FGD4: variants seen among roughly 807,000 people sequenced by gnomAD.
FGD4 encodes the protein FYVE, RhoGEF and PH domain-containing protein 4.
A neutral mutation model predicts 102.0 loss-of-function variants in FGD4; 42 were observed. The ratio of observed to expected loss-of-function variants is 0.41; its 90% CI spans 0.32 to 0.53. The LOEUF (loss-of-function observed/expected upper bound fraction) is 0.53, where lower values mean the gene tolerates loss of function less well. Among genes scored for constraint, FGD4 ranks in the 20% least tolerant of loss-of-function variants. The probability of loss-of-function intolerance (pLI) is 0.21; values close to 1 mark genes in which losing one functional copy is unlikely to be tolerated. For synonymous variants in FGD4, 380 were observed against 375.7 expected, an observed-to-expected ratio of 1.01 and a Z score of -0.13; for missense variants, 902 against 1,078.2, an observed-to-expected ratio of 0.84 and a Z score of 2.29.
At chr12:32,402,383 G>T (rs1201870063) in intron 1 of FGD4, among the ~76,000 whole-genome samples, 1 of 151,836 alleles carries the variant, frequency 6.6e-6, no homozygotes. Flanking sequence ...GGGCAACAGA[G>T]TGAGACCCTG....
intron 1 of FGD4, among the ~76,000 whole-genome samples, chr12:32,507,180 T>C (rs1938856142): frequency 6.7e-6 from 1 of 150,098 alleles, no homozygotes; most frequent in Admixed American, 6.7e-5. Flanking sequence ...ACATGCGGTG[T>C]TTGGTTTTTT....
intron 1 of FGD4, among the ~76,000 whole-genome samples, chr12:32,522,065 T>A (rs1163050854): frequency 1.3e-5 from 2 of 152,212 alleles, no homozygotes; most frequent in African/African-American, 2.4e-5. Context: ...AGCTGTTTTT[T>A]AAAAAATTAG....
At chr12:32,598,701 A>G (rs1948106227) in intron 5 of FGD4, 115 bp downstream of exon 5, 2 of 828,108 alleles carry the variant, frequency 2.4e-6, no homozygotes, top group South Asian at 1.4e-5. Context: ...TGGCTAGTGA[A>G]AGGTACTTGC....
intron 4 of FGD4, 136 bp downstream of exon 4, chr12:32,582,603 T>G: frequency 2.6e-6 from 3 of 1,145,356 alleles, no homozygotes; most frequent in Non-Finnish European, 3.8e-6. Context: ...TTTCAAGCTC[T>G]GGCTGCTGAT....
intron 3 of FGD4, among the ~76,000 whole-genome samples, chr12:32,578,521 TA>T (rs2136395510): frequency 6.6e-6 from 1 of 152,284 alleles, no homozygotes; most frequent in South Asian, 2.1e-4. Context: ...AGAATGGTCA[TA>T]TCATACTGTT....
intron 1 of FGD4, among the ~76,000 whole-genome samples, chr12:32,479,120 A>G (rs569568474): frequency 1.3e-5 from 2 of 152,368 alleles, no homozygotes; most frequent in South Asian, 2.1e-4. Context: ...GGAAATGTTC[A>G]CTGTAATTGG....
chr12:32,600,227 A>G (rs544175805), intron 5 of FGD4, among the ~76,000 whole-genome samples: 4 of 152,208 alleles, frequency 2.6e-5, no homozygotes, highest in Non-Finnish European at 5.9e-5. Flanking sequence ...CAGACCTGAA[A>G]TTTTAGATAT....
intron 10 of FGD4, among the ~76,000 whole-genome samples, chr12:32,612,058 C>A (rs1035073876): frequency 6.6e-6 from 1 of 152,258 alleles, no homozygotes; most frequent in Non-Finnish European, 1.5e-5. Flanking sequence ...TGGGGCAGCG[C>A]TGATATGCCA....
At chr12:32,518,262 T>G (rs1326476582) in intron 1 of FGD4, among the ~76,000 whole-genome samples, 1 of 152,158 alleles carries the variant, frequency 6.6e-6, no homozygotes, top group East Asian at 1.9e-4. Context: ...AAGCAGGTAC[T>G]AGACCTTGGA....
At chr12:32,469,647 A>G (rs1943362125) in intron 1 of FGD4, among the ~76,000 whole-genome samples, 2 of 148,776 alleles carry the variant, frequency 1.3e-5, no homozygotes, top group Non-Finnish European at 3.0e-5. Context: ...TGTTTAAACC[A>G]ATTTTCTTTT....
At chr12:32,545,933 G>T (rs1319192596) in intron 1 of FGD4, among the ~76,000 whole-genome samples, 1 of 152,198 alleles carries the variant, frequency 6.6e-6, no homozygotes, top group Non-Finnish European at 1.5e-5. Flanking sequence ...ATCTGAATTT[G>T]CTCTAGGGCA....
chr12:32,470,451 T>TTTTTTC (rs1943384918), intron 1 of FGD4, among the ~76,000 whole-genome samples: 1 of 149,570 alleles, frequency 6.7e-6, no homozygotes, highest in Non-Finnish European at 1.5e-5. Context: ...CGAAGTTTTC[T>TTTTTTC]TTTTTCTTTT....
intron 1 of FGD4, among the ~76,000 whole-genome samples, chr12:32,439,801 C>CT (rs563250672): frequency 1.3e-5 from 2 of 152,148 alleles, no homozygotes; most frequent in South Asian, 4.2e-4. Flanking sequence ...AGGCCAATAA[C>CT]TTTTAGATTT....
chr12:32,430,268 A>G (rs1482536327), intron 1 of FGD4, among the ~76,000 whole-genome samples: 2 of 152,104 alleles, frequency 1.3e-5, no homozygotes, highest in Non-Finnish European at 2.9e-5. Flanking sequence ...AGATTGCACC[A>G]CTGTGCTCCA....
At chr12:32,580,085 A>G (rs754861082) in intron 3 of FGD4, among the ~76,000 whole-genome samples, 1 of 152,170 alleles carries the variant, frequency 6.6e-6, no homozygotes, top group Non-Finnish European at 1.5e-5. Context: ...CCTACAGCCT[A>G]TTCATCTGAT....
At chr12:32,421,351 G>A (rs1415786184) in intron 1 of FGD4, among the ~76,000 whole-genome samples, 2 of 152,118 alleles carry the variant, frequency 1.3e-5, no homozygotes, top group African/African-American at 4.8e-5. Context: ...TATACTTTTT[G>A]TTCTCTTTGA....
intron 1 of FGD4, among the ~76,000 whole-genome samples, chr12:32,560,840 G>A (rs999144707): frequency 1.7e-4 from 26 of 151,596 alleles, no homozygotes; most frequent in Non-Finnish European, 3.1e-4. Context: ...CCACAAGCGC[G>A]CACCACCATG....
intron 1 of FGD4, among the ~76,000 whole-genome samples, chr12:32,408,219 A>C (rs940929603): frequency 7.0e-6 from 1 of 142,670 alleles, no homozygotes; most frequent in Admixed American, 7.3e-5. Context: ...CCCAAGCTGT[A>C]GTGCAATGGT....
At chr12:32,634,858 C>T (rs1222222785) in intron 15 of FGD4, among the ~76,000 whole-genome samples, 1 of 152,042 alleles carries the variant, frequency 6.6e-6, no homozygotes, top group Admixed American at 6.6e-5. Context: ...TGTGGTGGCA[C>T]ACACCTGTAG....
Sources: allele counts gnomAD v4.1 joint callset (sites outside exome capture counted in the v4.1 genomes callset), GRCh38; gene constraint gnomAD v4.1.1; transcripts MANE v1.5; gene names NCBI Gene and HGNC (gene_info 2026-07-23, HGNC 2026-07-21).